Variants in MDGA2 observed in about 807,000 individuals in gnomAD.
MDGA2 encodes the protein MAM domain containing glycosylphosphatidylinositol anchor 2, also known as MAM domain-containing glycosylphosphatidylinositol anchor protein 2.
MDGA2 carries 40 observed loss-of-function variants against 117.8 expected under a neutral mutation model. The ratio of observed to expected loss-of-function variants is 0.34; its 90% confidence interval spans 0.26 to 0.44. The LOEUF (loss-of-function observed/expected upper bound fraction) is 0.44, where lower values mean the gene tolerates loss of function less well. MDGA2 is among the 20% of genes least tolerant of loss of function. The pLI is 1.00. For missense variants in MDGA2, 1,123 were observed against 1,250.6 expected (o/e 0.90, Z 1.54); for synonymous variants, 452 against 439.0 (o/e 1.03, Z -0.37).
chr14:47,532,450 T>A (rs1895120167), intron 1 of MDGA2, among the ~76,000 whole-genome samples: 1 of 152,218 alleles, frequency 6.6e-6, no homozygotes, highest in African/African-American at 2.4e-5. Context: ...GTGAGTTCAT[T>A]TCTAATGAAT....
intron 1 of MDGA2, among the ~76,000 whole-genome samples, chr14:47,522,367 A>ATATATGTG (rs1378468688): frequency 6.6e-5 from 8 of 122,076 alleles, no homozygotes; most frequent in East Asian, 3.1e-4. Context: ...ATATATGTGT[A>ATATATGTG]TATATACACA....
At chr14:47,368,556 G>A (rs1891279747) in intron 1 of MDGA2, among the ~76,000 whole-genome samples, 1 of 152,072 alleles carries the variant, frequency 6.6e-6, no homozygotes, top group South Asian at 2.1e-4. Flanking sequence ...CTTTGCGGGG[G>A]CAAGAACATG....
At chr14:47,439,678 A>T (rs1892963401) in intron 1 of MDGA2, among the ~76,000 whole-genome samples, 2 of 151,266 alleles carry the variant, frequency 1.3e-5, no homozygotes, top group Admixed American at 1.3e-4. Context: ...GACCGACTAA[A>T]TTTTTTTTTC....
chr14:47,175,984 C>G (rs959854006), intron 3 of MDGA2, among the ~76,000 whole-genome samples: 7 of 152,154 alleles, frequency 4.6e-5, no homozygotes, highest in Admixed American at 2.0e-4. Context: ...GCAAAAATCA[C>G]AAGCATTCTT....
At chr14:47,397,602 G>A (rs1176717770) in intron 1 of MDGA2, among the ~76,000 whole-genome samples, 1 of 152,010 alleles carries the variant, frequency 6.6e-6, no homozygotes, top group African/African-American at 2.4e-5. Context: ...AGAAAGCGTA[G>A]GCAAATCTGG....
At chr14:47,504,870 A>G (rs1052276204) in intron 1 of MDGA2, among the ~76,000 whole-genome samples, 1 of 152,170 alleles carries the variant, frequency 6.6e-6, no homozygotes, top group Admixed American at 6.5e-5. Flanking sequence ...AATGAAATCA[A>G]CATGCTGAAG....
intron 1 of MDGA2, among the ~76,000 whole-genome samples, chr14:47,561,158 G>GTTTTTTTTTTTTTTTTTTTT (rs200625450): frequency 3.6e-5 from 2 of 55,090 alleles, no homozygotes; most frequent in Non-Finnish European, 4.3e-5. Context: ...TTTTTGTTTT[G>GTTTTTTTTTTTTTTTTTTTT]TTTTGTTTTT....
At chr14:47,273,754 T>C (rs529309334) in intron 2 of MDGA2, among the ~76,000 whole-genome samples, 2 of 152,140 alleles carry the variant, frequency 1.3e-5, no homozygotes, top group Non-Finnish European at 2.9e-5. Flanking sequence ...CAAAAGCCTG[T>C]TTGAATGTAA....
chr14:47,653,989 T>G (rs920051703), intron 1 of MDGA2, among the ~76,000 whole-genome samples: 1 of 152,194 alleles, frequency 6.6e-6, no homozygotes, highest in Non-Finnish European at 1.5e-5. Flanking sequence ...CTGACCTACA[T>G]AGAGAACTAA....
intron 2 of MDGA2, among the ~76,000 whole-genome samples, chr14:47,242,312 C>T (rs1220548881): frequency 6.6e-6 from 1 of 151,948 alleles, no homozygotes; most frequent in Admixed American, 6.6e-5. Context: ...TTGCTCTCAG[C>T]ACCTCCCCTG....
intron 8 of MDGA2, among the ~76,000 whole-genome samples, chr14:46,961,548 C>T (rs1390161733): frequency 1.3e-5 from 2 of 152,088 alleles, no homozygotes; most frequent in African/African-American, 4.8e-5. Flanking sequence ...TTTTGTATAC[C>T]TGCACACCAC....
intron 8 of MDGA2, among the ~76,000 whole-genome samples, chr14:46,999,228 C>A: frequency 6.6e-6 from 1 of 151,302 alleles, no homozygotes; most frequent in African/African-American, 2.4e-5. Context: ...AGCTGTAAAG[C>A]AATGCAGTCC....
intron 2 of MDGA2, among the ~76,000 whole-genome samples, chr14:47,229,367 A>G (rs1886612316): frequency 6.6e-6 from 1 of 152,146 alleles, no homozygotes; most frequent in African/African-American, 2.4e-5. Context: ...CCATGAAGCC[A>G]CTATACCATC....
chr14:47,505,291 A>G (rs1894487316), intron 1 of MDGA2, among the ~76,000 whole-genome samples: 5 of 152,170 alleles, frequency 3.3e-5, no homozygotes, highest in Admixed American at 2.6e-4. Flanking sequence ...TTTATTGCAT[A>G]GTGATATGAC....
intron 4 of MDGA2, among the ~76,000 whole-genome samples, chr14:47,137,862 A>C (rs1882533156): frequency 6.6e-6 from 1 of 152,190 alleles, no homozygotes; most frequent in African/African-American, 2.4e-5. Context: ...CTGCAGTCAG[A>C]AAACAAGATA....
chr14:46,939,941 A>C (rs1011788298), intron 9 of MDGA2, among the ~76,000 whole-genome samples: 1 of 152,154 alleles, frequency 6.6e-6, no homozygotes, highest in Non-Finnish European at 1.5e-5. Context: ...GCTGAAATCC[A>C]GGCTGTATTA....
intron 10 of MDGA2, among the ~76,000 whole-genome samples, chr14:46,906,107 T>C (rs1265911810): frequency 6.6e-6 from 1 of 152,012 alleles, no homozygotes; most frequent in Non-Finnish European, 1.5e-5. Context: ...TATTGCATAT[T>C]AAGCCACTCT....
chr14:47,292,155 T>C (rs986125227), intron 2 of MDGA2, among the ~76,000 whole-genome samples: 2 of 152,186 alleles, frequency 1.3e-5, no homozygotes, highest in Non-Finnish European at 2.9e-5. Flanking sequence ...GCTTTACATG[T>C]GAAATGAATA....
intron 6 of MDGA2, among the ~76,000 whole-genome samples, chr14:47,086,094 GTT>G (rs11331632): frequency 1.8e-4 from 25 of 141,756 alleles, no homozygotes; most frequent in East Asian, 8.3e-4. Flanking sequence ...AATGTGTAAG[GTT>G]TTTTTTTTTT....
Sources: allele counts gnomAD v4.1 joint callset (sites outside exome capture counted in the v4.1 genomes callset), GRCh38; gene constraint gnomAD v4.1.1; transcripts MANE v1.5; gene names NCBI Gene and HGNC (gene_info 2026-07-23, HGNC 2026-07-21).